The following BZW2 variants were observed in gnomAD, a reference collection of about 807,000 sequenced individuals.
BZW2 encodes basic leucine zipper and W2 domains 2.
A neutral mutation model predicts 53.2 loss-of-function variants in BZW2; 23 were observed. The observed-to-expected ratio is 0.43, with a 90% CI of 0.31 to 0.61. BZW2 has a LOEUF of 0.61. Among genes scored for constraint, BZW2 ranks in the 20% least tolerant of loss-of-function variants. The pLI, the probability that BZW2 is intolerant of heterozygous loss-of-function variation, is 0.09. For missense variants in BZW2, 409 were observed against 503.1 expected, an observed-to-expected ratio of 0.81 and a Z score of 1.79; for synonymous variants, 227 against 186.4, an observed-to-expected ratio of 1.22 and a Z score of -1.77.
intron 1 of BZW2, among the ~76,000 whole-genome samples, chr7:16,663,231 A>T (rs576671588): frequency 6.6e-6 from 1 of 152,172 alleles, no homozygotes; most frequent in Non-Finnish European, 1.5e-5. Flanking sequence ...TAAGCAATCA[A>T]TTACTTTATT....
At chr7:16,652,869 A>T (rs903914018) in intron 1 of BZW2, among the ~76,000 whole-genome samples, 3 of 152,194 alleles carry the variant, frequency 2.0e-5, no homozygotes, top group Admixed American at 1.3e-4. Flanking sequence ...GTAGCTCTGT[A>T]CTAGTTCTTT....
At chr7:16,697,137 G>C (rs1783523434) in intron 9 of BZW2, 76 bp downstream of exon 9, 2 of 1,521,738 alleles carry the variant, frequency 1.3e-6, no homozygotes, top group Non-Finnish European at 1.8e-6. Flanking sequence ...TTGTTTGTTT[G>C]AGAGTGCAGT....
intron 1 of BZW2, among the ~76,000 whole-genome samples, chr7:16,648,057 T>A (rs993316647): frequency 1.3e-5 from 2 of 152,214 alleles, no homozygotes; most frequent in African/African-American, 4.8e-5. Context: ...GAATCTAACA[T>A]CTACCTAGAA....
At chr7:16,646,961 G>A (rs1308966072) in intron 1 of BZW2, among the ~76,000 whole-genome samples, 1 of 152,148 alleles carries the variant, frequency 6.6e-6, no homozygotes, top group Non-Finnish European at 1.5e-5. Context: ...TGGAAATAGG[G>A]AGTGGAGGGT....
intron 2 of BZW2, among the ~76,000 whole-genome samples, chr7:16,670,478 C>A (rs895377593): frequency 1.3e-5 from 2 of 152,160 alleles, no homozygotes; most frequent in African/African-American, 4.8e-5. Flanking sequence ...TGTGGTAGGG[C>A]CTTTGTGGGA....
chr7:16,664,127 A>G (rs10499471), intron 1 of BZW2, among the ~76,000 whole-genome samples: 48,050 of 151,970 alleles, frequency 0.32, 7,683 homozygotes, highest in Admixed American at 0.33. Flanking sequence ...GCATCTTTCC[A>G]TAACAGTCCA....
intron 1 of BZW2, among the ~76,000 whole-genome samples, chr7:16,662,456 G>C (rs532994611): frequency 1.7e-4 from 26 of 152,186 alleles, no homozygotes; most frequent in Non-Finnish European, 3.2e-4. Context: ...TTTGAAAATA[G>C]AGTAATTCTT....
In BZW2 at chr7:16,682,772, T is replaced by G; in HGVS notation, c.340-8T>G. The G allele has an allele frequency of 6.5e-7, 1 of 1,548,494 alleles. No homozygotes were observed. The highest frequency in any genetic ancestry group is 8.7e-7 in the Non-Finnish European group (1 of 1,144,540). ...TGACCTAATATTTAATGGTTGTTTT[T>G]TTTTTAGGTCTTCAATAAACTCATC... On this transcript the variant is annotated splice_region_variant and splice_polypyrimidine_tract_variant and intron_variant, in intron 4 of 11. Transcript: ENST00000258761.
chr7:16,686,561 A>G (rs1299061547), intron 6 of BZW2: 3 of 155,240 alleles, frequency 1.9e-5, no homozygotes, highest in African/African-American at 7.2e-5. Flanking sequence ...TAAGGGTTGG[A>G]TAGGCATGCA....
At chr7:16,664,564 G>C (rs1328759798) in intron 1 of BZW2, among the ~76,000 whole-genome samples, 3 of 152,220 alleles carry the variant, frequency 2.0e-5, no homozygotes, top group African/African-American at 7.2e-5. Flanking sequence ...TGAGCGATGA[G>C]ACGAGATGTG....
intron 1 of BZW2, among the ~76,000 whole-genome samples, chr7:16,655,394 C>G (rs2128350569): frequency 6.6e-6 from 1 of 152,042 alleles, no homozygotes; most frequent in South Asian, 2.1e-4. Flanking sequence ...TTGTTTTTAA[C>G]TGACATATAG....
At position 16,685,891 on chromosome 7, in the gene BZW2, T is replaced by C; in HGVS notation, c.406-14T>C. On this transcript the variant is annotated splice_polypyrimidine_tract_variant and intron_variant, in intron 5 of 11. Coordinates refer to ENST00000258761, the MANE Select transcript of BZW2 (RefSeq NM_014038.3). ...TTTTCTTTTTCTTTTTTTTTTTTTTTTTTTGACCCACAGCTTCTCCTCTTC... is the reference window on the plus strand; with the variant it reads ...TTTTCTTTTTCTTTTTTTTTTTTTTCTTTTGACCCACAGCTTCTCCTCTTC... 1 of 1,477,686 alleles carries C rather than the reference T, an allele frequency of 6.8e-7. No homozygotes were observed. The highest frequency in any genetic ancestry group is 1.4e-5 in the South Asian group (1 of 73,508). The allele number at this position is 1,477,686 out of a possible 1,614,324, so 91.5% of individuals were successfully genotyped here.
chr7:16,687,905 G>T (rs889984372), intron 6 of BZW2, among the ~76,000 whole-genome samples: 1 of 152,008 alleles, frequency 6.6e-6, no homozygotes, highest in African/African-American at 2.4e-5. Flanking sequence ...ACAGCCTAGT[G>T]TTAATTTATA....
chr7:16,681,430 C>T (rs776529913), intron 4 of BZW2, 26 bp downstream of exon 4: 1 of 1,582,638 alleles, frequency 6.3e-7, no homozygotes, highest in Non-Finnish European at 8.7e-7. Flanking sequence ...GAGACTGAAG[C>T]ATTTGAAGAG....
At chr7:16,678,087 CTTTTTTTTT>C (rs71007780) in intron 3 of BZW2, among the ~76,000 whole-genome samples, 1 of 66,912 alleles carries the variant, frequency 1.5e-5, no homozygotes, top group Non-Finnish European at 2.9e-5. Context: ...TTCCATTGTT[CTTTTTTTTT>C]TTTTTTTTTT....
At chr7:16,660,073 A>G (rs1288588109) in intron 1 of BZW2, among the ~76,000 whole-genome samples, 2 of 151,738 alleles carry the variant, frequency 1.3e-5, no homozygotes, top group Admixed American at 6.6e-5. Flanking sequence ...ATGAGTGAGA[A>G]CATGCGGTGT....
chr7:16,698,058 C>A lies in BZW2; in HGVS notation c.980C>A (p.Pro327His). 1 of 1,614,122 alleles carries A rather than the reference C, an allele frequency of 6.2e-7. No homozygotes were observed. The change falls in exon 10 of 12, where the codon CCC becomes CAC. Residue 327 changes from proline (P) to histidine (H), a missense_variant. Around this residue, in one of 3 missense-constraint regions of BZW2, gnomAD observed 88 missense variants for 114.6 expected, o/e 0.77. Coordinates refer to ENST00000258761, the MANE Select transcript of BZW2 (RefSeq NM_014038.3). ...QALKHLKQYA[P>H]LLAVFSSQGQ... ...CCACTTCTGTTCTAGCAATATGCTC[C>A]CCTGCTGGCCGTGTTCAGCTCCCAA...
At chr7:16,702,926 A>T (rs1783713502) in intron 10 of BZW2, among the ~76,000 whole-genome samples, 1 of 152,218 alleles carries the variant, frequency 6.6e-6, no homozygotes, top group South Asian at 2.1e-4. Context: ...GGAAGACATG[A>T]TCCAAACAGT....
rs116309600 is a variant in BZW2 at position 16,680,303 on chromosome 7, T to C, written c.236-998T>C. ...GGAGTGGGAAGTGTTTGGAGTTGCATTGAGAATATTTACTGAATATTACTG... is the reference window on the plus strand; with the variant it reads ...GGAGTGGGAAGTGTTTGGAGTTGCACTGAGAATATTTACTGAATATTACTG... On this transcript the variant is annotated intron_variant, in intron 3 of 11. Coordinates refer to ENST00000258761, the MANE Select transcript of BZW2 (RefSeq NM_014038.3). Among the ~76,000 whole-genome samples the C allele has an allele frequency of 7.5e-3, 1,137 of 152,322 alleles. 18 individuals are homozygous for C. Among genetic ancestry groups the C allele is most frequent in the African/African-American group, 0.024 (1,017 of 41,568 alleles).
Sources: gnomAD v4.1 joint callset for allele counts (sites outside exome capture counted in the v4.1 genomes callset) on GRCh38, gnomAD v4.1.1 for gene constraint, gnomAD v4.1.1 regional missense constraint, MANE v1.5 for transcripts, NCBI Gene and HGNC (gene_info 2026-07-23, HGNC 2026-07-21) for gene names.